Variants in RHCE observed in about 807,000 individuals in gnomAD.
RHCE encodes the protein Rh blood group CcEe antigens.
RHCE carries 22 observed loss-of-function variants against 43.8 expected under a neutral mutation model. The observed-to-expected ratio is 0.50, with a 90% CI of 0.36 to 0.72. RHCE has a LOEUF of 0.72. Ranked by LOEUF, RHCE falls within the 30% of genes least tolerant of loss-of-function variation. RHCE has a pLI of 0.00. For synonymous variants in RHCE, 156 were observed against 210.7 expected, an observed-to-expected ratio of 0.74 and a Z score of 2.25; for missense variants, 385 against 525.4, an observed-to-expected ratio of 0.73 and a Z score of 2.61.
At chr1:25,387,267 T>A (rs532067553) in intron 6 of RHCE, among the ~76,000 whole-genome samples, 1 of 152,292 alleles carries the variant, frequency 6.6e-6, no homozygotes, top group South Asian at 2.1e-4. Flanking sequence ...CTAATACTAC[T>A]TCTCTGTCAA....
chr1:25,390,811 C>T lies in RHCE; in HGVS notation c.739G>A (p.Val247Ile). The stretch of plus-strand genomic sequence containing the variant: ...CCTGAGATGGCTGTCACCACACTGA[C>T]TGCTAGAGCATAGTAGGTGTTGAAC... Reference protein sequence around the residue: ...AMFNTYYALAVSVVTAISGSS... With the variant: ...AMFNTYYALAISVVTAISGSS... Residue 247 changes from valine to isoleucine, a missense_variant, in exon 5 of 10, where the codon GTC (valine) becomes ATC (isoleucine). Around this residue, in one of 6 missense-constraint regions of RHCE, gnomAD observed 56 missense variants for 90.0 expected, o/e 0.62. Transcript: ENST00000294413. The T allele has an allele frequency of 6.2e-7, 1 of 1,614,242 alleles. No homozygotes were observed. Among genetic ancestry groups the T allele is most frequent in the Non-Finnish European group, 8.5e-7 (1 of 1,180,046 alleles).
intron 7 of RHCE, among the ~76,000 whole-genome samples, chr1:25,383,600 G>T (rs915467103): frequency 6.6e-6 from 1 of 152,158 alleles, no homozygotes; most frequent in African/African-American, 2.4e-5. Flanking sequence ...TTCACCACTG[G>T]TGAAGCCCAC....
rs373655590 is a variant in RHCE at position 25,411,221 on chromosome 1, G to C, written c.149-2352C>G. On this transcript the variant is annotated intron_variant, in intron 1 of 9. Coordinates refer to ENST00000294413, the MANE Select transcript of RHCE (RefSeq NM_020485.8). ...TAAGGGTAATTAGAGCCACCTGAGA[G>C]GTTTCTGGGACATCCGAAGGAAATA... The C allele has an allele frequency of 1.4e-4, 185 of 1,305,528 alleles. 2 individuals carry two copies. In the South Asian group the frequency reaches 2.8e-3, roughly 20 times the overall value. The allele number at this position is 1,305,528 out of a possible 1,614,324, so 80.9% of individuals were successfully genotyped here.
At chr1:25,400,994 C>CT (rs752908935) in intron 3 of RHCE, among the ~76,000 whole-genome samples, 2 of 152,174 alleles carry the variant, frequency 1.3e-5, no homozygotes, top group Non-Finnish European at 2.9e-5. Flanking sequence ...GCCATCACTG[C>CT]TGCTCTGGTC....
chr1:25,394,636 T>G (rs1057183753), intron 3 of RHCE, among the ~76,000 whole-genome samples: 4 of 152,198 alleles, frequency 2.6e-5, no homozygotes, highest in Non-Finnish European at 5.9e-5. Flanking sequence ...GAGAGTTGTA[T>G]TTTCCACTGC....
rs371800329 is a variant in RHCE at position 25,393,003 on chromosome 1, T to C, written c.487-862A>G. ...GATGAGTGATATAAATTTTGCAACA[T>C]GAAGCAACCAGACTTCTTGTAATAC... is the stretch of plus-strand genomic sequence containing the variant. On this transcript the variant is annotated intron_variant, in intron 3 of 9. Transcript: ENST00000294413. Among the ~76,000 whole-genome samples, 58 of 152,324 alleles carry C rather than the reference T, an allele frequency of 3.8e-4. 3 individuals carry two copies. The South Asian group carries it at 0.012, about 32-fold the overall frequency.
chr1:25,384,411 C>G (rs1360194358), intron 7 of RHCE, among the ~76,000 whole-genome samples: 1 of 151,760 alleles, frequency 6.6e-6, no homozygotes, highest in East Asian at 1.9e-4. Flanking sequence ...TTTCTAACTT[C>G]CCCTGCCTGT....
chr1:25,406,421 G>A lies in RHCE; in HGVS notation c.335+2262C>T, dbSNP rs550345716. Among the ~76,000 whole-genome samples, 10 of 109,612 alleles carry A rather than the reference G, an allele frequency of 9.1e-5. 4 individuals carry two copies. The highest frequency in any genetic ancestry group is 1.1e-3 in the South Asian group (2 of 1,890). The allele number at this position is 109,612 out of a possible 152,430, so 71.9% of individuals were successfully genotyped here. A position where few individuals can be genotyped will look rare whatever the true frequency, so the allele number is the denominator to read the frequency against. On this transcript the variant is annotated intron_variant, in intron 2 of 9. Coordinates refer to ENST00000294413, the MANE Select transcript of RHCE (RefSeq NM_020485.8). ...TCCGCCTCCCGGGTTCAAGTGATTC[G>A]CCTGCCTCAGCCTCCCAAGTAGCTG...
chr1:25,377,827 C>G (rs543614960), intron 7 of RHCE, among the ~76,000 whole-genome samples: 4 of 152,288 alleles, frequency 2.6e-5, no homozygotes, highest in East Asian at 3.9e-4. Context: ...ATTGCTTGAA[C>G]CTGGGAGGCA....
chr1:25,415,642 C>T (rs905025273), intron 1 of RHCE, among the ~76,000 whole-genome samples: 11 of 151,944 alleles, frequency 7.2e-5, no homozygotes, highest in Non-Finnish European at 1.6e-4. Context: ...AAGAGCAAAA[C>T]TCTGTCTCAA....
At chr1:25,381,367 A>C (rs1202691437) in intron 7 of RHCE, among the ~76,000 whole-genome samples, 1 of 152,134 alleles carries the variant, frequency 6.6e-6, no homozygotes, top group East Asian at 1.9e-4. Flanking sequence ...ACCATTAAGA[A>C]GTTCCAGACT....
In RHCE at chr1:25,362,384, A is replaced by G; in HGVS notation, c.*143T>C. ...TAAGTTTTTAGTCTTTAATTTTTTA[A>G]TATCAAATCTGTCTCTGACCTTGTT... is the stretch of plus-strand genomic sequence containing the variant. On this transcript the variant is annotated 3_prime_UTR_variant, in exon 10 of 10. Coordinates refer to ENST00000294413, the MANE Select transcript of RHCE (RefSeq NM_020485.8). The G allele has an allele frequency of 1.3e-6, 2 of 1,576,648 alleles. No individual in the cohort carries two copies. Among genetic ancestry groups the G allele is most frequent in the Admixed American group, 1.9e-5 (1 of 53,602 alleles).
At chr1:25,401,889 TA>T (rs1001836107) in intron 3 of RHCE, among the ~76,000 whole-genome samples, 3 of 151,906 alleles carry the variant, frequency 2.0e-5, no homozygotes, top group Non-Finnish European at 4.4e-5. Flanking sequence ...CTTTTTTTTT[TA>T]TTGGAGATGA....
intron 2 of RHCE, among the ~76,000 whole-genome samples, chr1:25,426,988 C>G (rs1300422630): frequency 6.6e-6 from 1 of 151,378 alleles, no homozygotes; most frequent in Non-Finnish European, 1.5e-5. Flanking sequence ...ACCCAGGAGG[C>G]AGAGATTGCA....
At chr1:25,379,489 ATATATATTTTTTT>A (rs1394437093) in intron 7 of RHCE, among the ~76,000 whole-genome samples, 5 of 19,690 alleles carry the variant, frequency 2.5e-4, no homozygotes, top group African/African-American at 7.5e-4. Flanking sequence ...ATATATATAT[ATATATATTTTTTT>A]TTTTTTTTTT....
chr1:25,417,170 T>G (rs1025892974), intron 1 of RHCE, among the ~76,000 whole-genome samples: 47 of 152,136 alleles, frequency 3.1e-4, no homozygotes, highest in Non-Finnish European at 6.0e-4. Context: ...CCACCATGCT[T>G]TTATCATACC....
chr1:25,376,268 C>G (rs1215835135), intron 7 of RHCE, among the ~76,000 whole-genome samples: 2 of 152,210 alleles, frequency 1.3e-5, no homozygotes, highest in Non-Finnish European at 2.9e-5. Flanking sequence ...AAACATTAAG[C>G]TATTACGGGG....
chr1:25,402,206 G>GTCTGTCTGTCTATCTATCTA (rs796249762), intron 3 of RHCE, among the ~76,000 whole-genome samples: 13 of 130,470 alleles, frequency 1.0e-4, no homozygotes, highest in African/African-American at 3.2e-4. Context: ...CTGTCTGTCT[G>GTCTGTCTGTCTATCTATCTA]TCTATCTATC....
intron 2 of RHCE, among the ~76,000 whole-genome samples, chr1:25,403,331 T>C (rs539035147): frequency 6.6e-6 from 1 of 151,814 alleles, no homozygotes; most frequent in African/African-American, 2.4e-5. Flanking sequence ...AAATTAAGAA[T>C]GATGATCAAA....
Sources: allele counts gnomAD v4.1 joint callset (sites outside exome capture counted in the v4.1 genomes callset), GRCh38; gene constraint gnomAD v4.1.1; regional missense constraint gnomAD v4.1.1; transcripts MANE v1.5; gene names NCBI Gene and HGNC (gene_info 2026-07-23, HGNC 2026-07-21).